Variants in CHD9 observed in about 807,000 individuals in gnomAD.
CHD9 encodes the protein chromodomain helicase DNA binding protein 9, also known as ATP-dependent chromatin remodeler CHD9.
Under a neutral mutation model 316.1 loss-of-function variants are expected in CHD9, and 77 were observed. The ratio of observed to expected loss-of-function variants is 0.24; its 90% CI spans 0.20 to 0.29. The LOEUF is 0.29. CHD9 is among the 10% of genes least tolerant of loss of function. CHD9 has a pLI of 1.00. For missense variants in CHD9, 2,763 were observed against 3,438.1 expected (o/e 0.80, Z 4.91); for synonymous variants, 1,129 against 1,158.3 (o/e 0.97, Z 0.51).
chr16:53,253,878 C>T (rs1317636927), intron 17 of CHD9, among the ~76,000 whole-genome samples: 1 of 152,098 alleles, frequency 6.6e-6, no homozygotes, highest in Non-Finnish European at 1.5e-5. Context: ...GACTACACTT[C>T]CGTTAAAACA....
chr16:53,192,066 CA>C (rs563995905), intron 2 of CHD9, among the ~76,000 whole-genome samples: 1,582 of 69,810 alleles, frequency 0.023, 13 homozygotes, highest in African/African-American at 0.054. Flanking sequence ...GACTCCATCT[CA>C]AAAAAAAAAA....
At chr16:53,137,378 T>G (rs564526326) in intron 1 of CHD9, among the ~76,000 whole-genome samples, 1 of 152,324 alleles carries the variant, frequency 6.6e-6, no homozygotes, top group East Asian at 1.9e-4. Context: ...AATACTGATA[T>G]GAACATTCCT....
At chr16:53,263,454 T>A (rs1439064931) in intron 20 of CHD9, among the ~76,000 whole-genome samples, 1 of 152,120 alleles carries the variant, frequency 6.6e-6, no homozygotes, top group Non-Finnish European at 1.5e-5. Flanking sequence ...AAAATGTAAA[T>A]AAGAGGAGAA....
In CHD9 at chr16:53,324,374, T is replaced by A; in HGVS notation, c.8173T>A (p.Leu2725Met). Reference protein sequence around the residue: ...LSGMAGLPNLLGMGGLLTKPT... With the variant: ...LSGMAGLPNLMGMGGLLTKPT... The stretch of plus-strand genomic sequence containing the variant: ...AGGAATGGCTGGATTACCAAATCTG[T>A]TGGGCATGGGAGGACTCCTGACAAA... The change falls in exon 39 of 39, where the codon TTG (leucine) becomes ATG (methionine). Residue 2725 changes from leucine to methionine, a missense_variant. Physicochemically the swap from Leu to Met is conservative, Grantham distance 15. Transcript: ENST00000447540. 6.2e-7 allele frequency: 1 copy of A among 1,613,986 alleles called. No individual in the cohort carries two copies. Among genetic ancestry groups the A allele is most frequent in the Non-Finnish European group, 8.5e-7 (1 of 1,179,868 alleles).
chr16:53,088,373 G>T (rs1252858561), intron 1 of CHD9, among the ~76,000 whole-genome samples: 1 of 147,948 alleles, frequency 6.8e-6, no homozygotes, highest in Non-Finnish European at 1.5e-5. Context: ...CGCCTCCCAG[G>T]TTCATGCCAT....
intron 1 of CHD9, among the ~76,000 whole-genome samples, chr16:53,111,329 C>T (rs1407534666): frequency 6.6e-6 from 1 of 152,126 alleles, no homozygotes; most frequent in African/African-American, 2.4e-5. Context: ...AGCCTTTGTT[C>T]CATTTTCTCT....
chr16:53,096,855 G>A (rs58007211), intron 1 of CHD9, among the ~76,000 whole-genome samples: 6 of 152,140 alleles, frequency 3.9e-5, no homozygotes, highest in Non-Finnish European at 7.4e-5. Context: ...CCAAGGTGTC[G>A]CATGGTGAGG....
At chr16:53,145,146 A>T in intron 1 of CHD9, among the ~76,000 whole-genome samples, 1 of 151,852 alleles carries the variant, frequency 6.6e-6, no homozygotes, top group African/African-American at 2.4e-5. Flanking sequence ...TTACTCTTGT[A>T]ATCCCAGCAC....
intron 1 of CHD9, among the ~76,000 whole-genome samples, chr16:53,093,698 T>C (rs1186092309): frequency 1.3e-5 from 2 of 152,156 alleles, no homozygotes; most frequent in Non-Finnish European, 2.9e-5. Context: ...ATTGTCCGCA[T>C]TGTACAGATA....
chr16:53,312,140 A>G (rs901075659), intron 34 of CHD9, among the ~76,000 whole-genome samples: 2 of 152,194 alleles, frequency 1.3e-5, no homozygotes, highest in African/African-American at 4.8e-5. Flanking sequence ...TAAATGTACA[A>G]TATTGGTAGA....
intron 1 of CHD9, among the ~76,000 whole-genome samples, chr16:53,079,898 A>G (rs1438009993): frequency 1.3e-5 from 2 of 152,212 alleles, no homozygotes; most frequent in African/African-American, 4.8e-5. Flanking sequence ...GTGTCTTTAT[A>G]GTAAACTGGT....
At chr16:53,239,139 A>G (rs1254582316) in intron 12 of CHD9, among the ~76,000 whole-genome samples, 1 of 152,124 alleles carries the variant, frequency 6.6e-6, no homozygotes, top group Non-Finnish European at 1.5e-5. Context: ...TAGTGGTTTG[A>G]TGATGTTCCT....
intron 24 of CHD9, among the ~76,000 whole-genome samples, chr16:53,283,698 T>G (rs1219835180): frequency 6.6e-6 from 1 of 152,232 alleles, no homozygotes; most frequent in East Asian, 1.9e-4. Context: ...TCTCATTTCT[T>G]TTTTAACTTT....
intron 24 of CHD9, among the ~76,000 whole-genome samples, chr16:53,275,499 C>T (rs955559996): frequency 3.9e-5 from 6 of 152,090 alleles, no homozygotes; most frequent in Admixed American, 2.0e-4. Flanking sequence ...AAAACTATAC[C>T]GCAATGTAAT....
intron 29 of CHD9, among the ~76,000 whole-genome samples, chr16:53,296,004 C>G (rs999397427): frequency 5.9e-5 from 9 of 152,148 alleles, no homozygotes; most frequent in Non-Finnish European, 1.3e-4. Context: ...AAGCCATAAC[C>G]TTGTCAATCT....
intron 27 of CHD9, 83 bp from the exon 28 acceptor site, chr16:53,291,642 T>C (rs1418133699): frequency 5.5e-6 from 5 of 901,486 alleles, no homozygotes; most frequent in African/African-American, 1.8e-5. Flanking sequence ...CTCTCTGTTA[T>C]AAAGAAGTTT....
rs34094415 is a variant in CHD9, at chr16:53,246,304, C to T, written c.3454+454C>T. On this transcript the variant is annotated intron_variant, in intron 15 of 38. Transcript: ENST00000447540. ...TTTTTCACTTATTCTTGGGAATATA[C>T]GCCTCTCTACTCACTTTATTCAAGA... Among the ~76,000 whole-genome samples the T allele has an allele frequency of 4.4e-3, 674 of 152,232 alleles. 5 individuals are homozygous for T. Among genetic ancestry groups the T allele is most frequent in the African/African-American group, 0.015 (614 of 41,550 alleles).
chr16:53,055,012 C>A lies in CHD9; in HGVS notation c.-230C>A, dbSNP rs1359514651. 6.6e-6 allele frequency: 1 copy of A among 152,256 alleles called. No homozygotes were observed. The highest frequency in any genetic ancestry group is 2.4e-5 in the African/African-American group (1 of 41,470). 9.4% of individuals were successfully genotyped at this position (152,256 alleles called of 1,614,324 possible). On this transcript the variant is annotated 5_prime_UTR_variant, in exon 1 of 39. Coordinates refer to ENST00000447540, the MANE Select transcript of CHD9 (RefSeq NM_001308319.2). ...GGGCGCTTCACAGGCGCAGCGACAGCGACAGCGACAGCTCGAACCTGAGTC... is the reference window on the plus strand; with the variant it reads ...GGGCGCTTCACAGGCGCAGCGACAGAGACAGCGACAGCTCGAACCTGAGTC...
intron 11 of CHD9, among the ~76,000 whole-genome samples, chr16:53,236,624 C>G (rs911497870): frequency 6.7e-6 from 1 of 149,412 alleles, no homozygotes; most frequent in Non-Finnish European, 1.5e-5. Flanking sequence ...TCCCCCCCAC[C>G]ACCACCACCA....
Sources: gnomAD v4.1 joint callset for allele counts (sites outside exome capture counted in the v4.1 genomes callset) on GRCh38, gnomAD v4.1.1 for gene constraint, MANE v1.5 for transcripts, NCBI Gene and HGNC (gene_info 2026-07-23, HGNC 2026-07-21) for gene names.